The following GABRB2 variants were observed in gnomAD, a reference collection of about 807,000 sequenced individuals.
GABRB2 encodes the protein gamma-aminobutyric acid receptor subunit beta-2.
In GABRB2, 16 loss-of-function variants were observed where a neutral mutation model predicts 54.7. The ratio of observed to expected loss-of-function variants is 0.29; its 90% confidence interval spans 0.20 to 0.44. The LOEUF (loss-of-function observed/expected upper bound fraction) is 0.44, where lower values mean the gene tolerates loss of function less well. Among genes scored for constraint, GABRB2 ranks in the 20% least tolerant of loss-of-function variants. The pLI is 1.00. For missense variants in GABRB2, 355 were observed against 644.0 expected, an observed-to-expected ratio of 0.55 and a Z score of 4.86; for synonymous variants, 244 against 233.8, an observed-to-expected ratio of 1.04 and a Z score of -0.40.
chr5:161,296,284 G>A (rs1399812157), intron 9 of GABRB2, among the ~76,000 whole-genome samples: 26 of 152,046 alleles, frequency 1.7e-4, no homozygotes, highest in Admixed American at 1.7e-3. Flanking sequence ...TTCTTCTCTG[G>A]GTTGTTAACT....
At chr5:161,420,964 C>G (rs761421780) in intron 4 of GABRB2, among the ~76,000 whole-genome samples, 3 of 152,132 alleles carry the variant, frequency 2.0e-5, no homozygotes, top group Non-Finnish European at 2.9e-5. Flanking sequence ...TTCCTCCTTT[C>G]TATCATTTTG....
At chr5:161,467,406 CT>C (rs1661516459) in intron 3 of GABRB2, among the ~76,000 whole-genome samples, 1 of 152,038 alleles carries the variant, frequency 6.6e-6, no homozygotes, top group South Asian at 2.1e-4. Flanking sequence ...GACCTTCTGT[CT>C]TTCATAAGAC....
chr5:161,351,089 C>T (rs1275569873), intron 5 of GABRB2, among the ~76,000 whole-genome samples: 1 of 152,092 alleles, frequency 6.6e-6, no homozygotes, highest in African/African-American at 2.4e-5. Context: ...AGAATACACA[C>T]ATGTTCATGA....
chr5:161,517,890 G>A (rs895260526), intron 3 of GABRB2, among the ~76,000 whole-genome samples: 2 of 151,584 alleles, frequency 1.3e-5, no homozygotes, highest in Admixed American at 6.6e-5. Flanking sequence ...TCTGCCTCCC[G>A]GGTTCACACC....
chr5:161,425,006 C>G (rs975566911), intron 4 of GABRB2, among the ~76,000 whole-genome samples: 1 of 151,982 alleles, frequency 6.6e-6, no homozygotes, highest in African/African-American at 2.4e-5. Flanking sequence ...AGTAAGAGAG[C>G]TAGTATTAGA....
At chr5:161,519,401 G>A (rs1760046854) in intron 3 of GABRB2, among the ~76,000 whole-genome samples, 1 of 152,152 alleles carries the variant, frequency 6.6e-6, no homozygotes, top group Admixed American at 6.5e-5. Context: ...ACACACCCAT[G>A]ACTTTACGAA....
At chr5:161,361,123 A>G (rs2113451931) in intron 5 of GABRB2, among the ~76,000 whole-genome samples, 1 of 152,230 alleles carries the variant, frequency 6.6e-6, no homozygotes, top group South Asian at 2.1e-4. Flanking sequence ...TAAAAATTAT[A>G]AAAGAGAAAT....
At chr5:161,450,707 C>T (rs1248541354) in intron 4 of GABRB2, among the ~76,000 whole-genome samples, 1 of 151,990 alleles carries the variant, frequency 6.6e-6, no homozygotes, top group African/African-American at 2.4e-5. Context: ...CTTTTCCTTG[C>T]TATAAAAAAA....
chr5:161,354,869 C>T (rs758352405), intron 5 of GABRB2, among the ~76,000 whole-genome samples: 13 of 151,964 alleles, frequency 8.6e-5, no homozygotes, highest in Non-Finnish European at 1.9e-4. Context: ...GTTGCAAAAA[C>T]TGCAATTACT....
intron 9 of GABRB2, among the ~76,000 whole-genome samples, chr5:161,319,185 C>G (rs758294840): frequency 6.7e-6 from 1 of 149,788 alleles, no homozygotes; most frequent in Non-Finnish European, 1.5e-5. Context: ...CTTGTTCTAG[C>G]CTGAACTGTT....
At chr5:161,338,050 T>G (rs529615174) in intron 5 of GABRB2, among the ~76,000 whole-genome samples, 1 of 152,194 alleles carries the variant, frequency 6.6e-6, no homozygotes, top group Non-Finnish European at 1.5e-5. Flanking sequence ...CCCAGATGAT[T>G]TTCAACAAAC....
chr5:161,425,896 T>A (rs189717533), intron 4 of GABRB2, among the ~76,000 whole-genome samples: 1 of 152,266 alleles, frequency 6.6e-6, no homozygotes, highest in East Asian at 1.9e-4. Flanking sequence ...GAATTTCTCA[T>A]AATTGCTTGT....
At chr5:161,352,299 A>T (rs1416063474) in intron 5 of GABRB2, among the ~76,000 whole-genome samples, 2 of 151,970 alleles carry the variant, frequency 1.3e-5, no homozygotes, top group African/African-American at 4.8e-5. Context: ...TATAAAATGA[A>T]CCTGTGTCCA....
chr5:161,420,913 TG>T (rs1756828092), intron 4 of GABRB2, among the ~76,000 whole-genome samples: 1 of 152,136 alleles, frequency 6.6e-6, no homozygotes. Context: ...GTTGGGATTT[TG>T]GGGTTAAGGG....
intron 4 of GABRB2, among the ~76,000 whole-genome samples, chr5:161,414,813 C>T (rs1756618414): frequency 6.6e-6 from 1 of 151,726 alleles, no homozygotes; most frequent in South Asian, 2.1e-4. Flanking sequence ...CATCCCAAAG[C>T]TAAGGATTTT....
chr5:161,453,437 C>T (rs1757851535), intron 4 of GABRB2, among the ~76,000 whole-genome samples: 1 of 152,082 alleles, frequency 6.6e-6, no homozygotes, highest in Non-Finnish European at 1.5e-5. Flanking sequence ...GTCTTGAGGG[C>T]AGGATCTAAT....
intron 5 of GABRB2, among the ~76,000 whole-genome samples, chr5:161,398,086 C>G (rs1756061194): frequency 6.6e-6 from 1 of 152,096 alleles, no homozygotes; most frequent in Non-Finnish European, 1.5e-5. Flanking sequence ...AATGTGACCA[C>G]AGGATAATTT....
chr5:161,375,147 TA>T (rs1755254038), intron 5 of GABRB2, among the ~76,000 whole-genome samples: 1 of 152,164 alleles, frequency 6.6e-6, no homozygotes, highest in Non-Finnish European at 1.5e-5. Flanking sequence ...GCTCAGACAC[TA>T]ACATACATCA....
intron 3 of GABRB2, among the ~76,000 whole-genome samples, chr5:161,461,833 C>T (rs762352716): frequency 4.6e-5 from 7 of 152,102 alleles, no homozygotes; most frequent in Non-Finnish European, 8.8e-5. Context: ...TAATATATGT[C>T]CAGTAAGCTA....
Sources: gnomAD v4.1 joint callset for allele counts (sites outside exome capture counted in the v4.1 genomes callset) on GRCh38, gnomAD v4.1.1 for gene constraint, MANE v1.5 for transcripts, NCBI Gene and HGNC (gene_info 2026-07-23, HGNC 2026-07-21) for gene names.